Variants in CAMKMT observed in about 807,000 individuals in gnomAD.
The protein encoded by CAMKMT is CaM KMT.
CAMKMT carries 53 observed loss-of-function variants against 48.0 expected under a neutral mutation model. That is an observed-to-expected ratio of 1.10 (90% CI 0.89 to 1.39). CAMKMT has a LOEUF of 1.39. CAMKMT is among the 40% of genes most tolerant of loss of function. The pLI is 0.00. For synonymous variants in CAMKMT, 165 were observed against 152.3 expected, an observed-to-expected ratio of 1.08 and a Z score of -0.61; for missense variants, 428 against 402.7, an observed-to-expected ratio of 1.06 and a Z score of -0.54.
chr2:44,697,182 A>T (rs1331707303), intron 3 of CAMKMT, among the ~76,000 whole-genome samples: 2 of 152,170 alleles, frequency 1.3e-5, no homozygotes, highest in Non-Finnish European at 2.9e-5. Flanking sequence ...GATTGAAATT[A>T]CCCACTGAAT....
chr2:44,477,070 TAAAC>T (rs1668726973), intron 3 of CAMKMT, among the ~76,000 whole-genome samples: 1 of 152,346 alleles, frequency 6.6e-6, no homozygotes, highest in African/African-American at 2.4e-5. Context: ...AAAAATTATT[TAAAC>T]AAAATTTGAA....
intron 3 of CAMKMT, among the ~76,000 whole-genome samples, chr2:44,433,378 A>G (rs750153727): frequency 2.0e-5 from 3 of 152,138 alleles, no homozygotes; most frequent in Non-Finnish European, 4.4e-5. Context: ...ACTTTTACTG[A>G]GTTTGTAAGC....
At chr2:44,743,762 T>C (rs1022183665) in intron 8 of CAMKMT, 66 bp downstream of exon 8, 51 of 1,297,620 alleles carry the variant, frequency 3.9e-5, no homozygotes, top group Non-Finnish European at 4.8e-5. Context: ...AATTGGGCTG[T>C]GTTGCTTAGC....
chr2:44,450,004 A>C (rs375066522), intron 3 of CAMKMT, among the ~76,000 whole-genome samples: 1 of 152,178 alleles, frequency 6.6e-6, no homozygotes, highest in Non-Finnish European at 1.5e-5. Context: ...TGCTCAAGTG[A>C]CTTGAATGCT....
intron 3 of CAMKMT, among the ~76,000 whole-genome samples, chr2:44,462,000 A>C (rs530987126): frequency 6.6e-6 from 1 of 152,318 alleles, no homozygotes; most frequent in East Asian, 1.9e-4. Context: ...TCAAGTAGCA[A>C]ATGCTTACAT....
At chr2:44,539,987 T>C (rs1339981930) in intron 3 of CAMKMT, among the ~76,000 whole-genome samples, 1 of 152,160 alleles carries the variant, frequency 6.6e-6, no homozygotes, top group African/African-American at 2.4e-5. Flanking sequence ...TTTGAAACTA[T>C]TGAAACATAT....
chr2:44,690,986 TAAC>T (rs1471707531), intron 3 of CAMKMT, among the ~76,000 whole-genome samples: 2 of 151,390 alleles, frequency 1.3e-5, no homozygotes, highest in Non-Finnish European at 2.9e-5. Flanking sequence ...AAAAAAAAAA[TAAC>T]AACAATAATA....
intron 3 of CAMKMT, among the ~76,000 whole-genome samples, chr2:44,689,476 G>T (rs1234671397): frequency 6.6e-6 from 1 of 151,914 alleles, no homozygotes; most frequent in Non-Finnish European, 1.5e-5. Flanking sequence ...CAGAATGATG[G>T]CCTGTTCATC....
intron 3 of CAMKMT, among the ~76,000 whole-genome samples, chr2:44,652,711 G>A (rs919268324): frequency 6.6e-6 from 1 of 152,218 alleles, no homozygotes; most frequent in Non-Finnish European, 1.5e-5. Flanking sequence ...AAGAGAAAAG[G>A]CGGGGTCTAG....
intron 7 of CAMKMT, among the ~76,000 whole-genome samples, chr2:44,741,389 T>A (rs1679667491): frequency 6.6e-6 from 1 of 152,246 alleles, no homozygotes; most frequent in Admixed American, 6.5e-5. Flanking sequence ...GGAAGCACCA[T>A]TCTCATTGTA....
At chr2:44,710,803 C>A (rs1208800826) in intron 6 of CAMKMT, among the ~76,000 whole-genome samples, 1 of 152,118 alleles carries the variant, frequency 6.6e-6, no homozygotes, top group Non-Finnish European at 1.5e-5. Context: ...AAGTAGAACT[C>A]CTGAAGGTGA....
chr2:44,616,114 G>C (rs773888782), intron 3 of CAMKMT, among the ~76,000 whole-genome samples: 8 of 152,150 alleles, frequency 5.3e-5, no homozygotes, highest in South Asian at 4.1e-4. Context: ...CTTGAAATCT[G>C]ACTGTCACTC....
At chr2:44,488,727 C>T (rs927056939) in intron 3 of CAMKMT, among the ~76,000 whole-genome samples, 1 of 151,726 alleles carries the variant, frequency 6.6e-6, no homozygotes, top group African/African-American at 2.4e-5. Context: ...AAACTCACCC[C>T]AAAAAACCCA....
At position 44,416,351 on chromosome 2, in the gene CAMKMT, A is replaced by G. The variant is rs974001191; in HGVS notation, c.376+26046A>G. On this transcript the variant is annotated intron_variant, in intron 3 of 10. Transcript: ENST00000378494. Reference sequence around the variant, plus strand: ...TGCACCAATTTTGATGTACATTTTAATGAGTTTTGAAAGTTTTATACATTC... The same window carrying G: ...TGCACCAATTTTGATGTACATTTTAGTGAGTTTTGAAAGTTTTATACATTC... 6.3e-4 allele frequency among the ~76,000 whole-genome samples: 96 copies of G among 152,158 alleles called. 6 individuals carry two copies. The highest frequency in any genetic ancestry group is 2.4e-5 in the African/African-American group (1 of 41,450).
chr2:44,391,375 T>C (rs1371615302), intron 3 of CAMKMT, among the ~76,000 whole-genome samples: 3 of 152,192 alleles, frequency 2.0e-5, no homozygotes, highest in African/African-American at 7.2e-5. Flanking sequence ...TTCTTTCTTT[T>C]TTTTTAAATT....
chr2:44,726,960 C>G (rs1304036781), intron 7 of CAMKMT, among the ~76,000 whole-genome samples: 1 of 152,106 alleles, frequency 6.6e-6, no homozygotes, highest in Non-Finnish European at 1.5e-5. Flanking sequence ...GCTTTCTATT[C>G]TGTTCCATTG....
At chr2:44,620,846 G>T (rs180773822) in intron 3 of CAMKMT, among the ~76,000 whole-genome samples, 31 of 152,162 alleles carry the variant, frequency 2.0e-4, no homozygotes, top group African/African-American at 7.2e-4. Flanking sequence ...TTAGCTATGT[G>T]TCATTGGGCA....
intron 7 of CAMKMT, chr2:44,723,650 AAATAAAAT>A (rs1381984272): frequency 1.1e-4 from 15 of 133,990 alleles, no homozygotes; most frequent in African/African-American, 3.3e-4. Context: ...ATAAATAAAT[AAATAAAAT>A]AATAAAGTTG....
At chr2:44,532,457 C>T (rs1292648026) in intron 3 of CAMKMT, among the ~76,000 whole-genome samples, 4 of 152,162 alleles carry the variant, frequency 2.6e-5, no homozygotes, top group Non-Finnish European at 5.9e-5. Flanking sequence ...ACTTGAAATA[C>T]ATTTAGACCT....
Sources: gnomAD v4.1 joint callset for allele counts (sites outside exome capture counted in the v4.1 genomes callset) on GRCh38, gnomAD v4.1.1 for gene constraint, MANE v1.5 for transcripts, NCBI Gene and HGNC (gene_info 2026-07-23, HGNC 2026-07-21) for gene names.